The following PPP6C variants were observed in gnomAD, a reference collection of about 807,000 sequenced individuals.
The protein encoded by PPP6C is protein phosphatase 6 catalytic subunit.
A neutral mutation model predicts 39.8 loss-of-function variants in PPP6C; 11 were observed. The ratio of observed to expected loss-of-function variants is 0.28; its 90% CI spans 0.17 to 0.46. PPP6C has a LOEUF of 0.46. Ranked by LOEUF, PPP6C falls within the 20% of genes least tolerant of loss-of-function variation. PPP6C has a pLI of 1.00. For missense variants in PPP6C, 211 were observed against 373.9 expected (o/e 0.56, Z 3.59); for synonymous variants, 129 against 130.3 (o/e 0.99, Z 0.07).
At chr9:125,184,824 A>G (rs1256359865) in intron 1 of PPP6C, among the ~76,000 whole-genome samples, 2 of 151,818 alleles carry the variant, frequency 1.3e-5, no homozygotes, top group Non-Finnish European at 1.5e-5. Context: ...AAATATATAT[A>G]TACAAAAATT....
chr9:125,167,703 C>CA lies in PPP6C; in HGVS notation c.171+3381dup, dbSNP rs370041445. Among the ~76,000 whole-genome samples the CA allele has an allele frequency of 6.2e-4, 87 of 140,034 alleles. 1 individual carries two copies. The highest frequency in any genetic ancestry group is 1.1e-3 in the South Asian group (5 of 4,502). The allele number at this position is 140,034 out of a possible 152,430, so 91.9% of individuals were successfully genotyped here. A position where few individuals can be genotyped will look rare whatever the true frequency, so the allele number is the denominator to read the frequency against. The stretch of plus-strand genomic sequence containing the variant: ...GGATAACAAGAGAGAAACTCTGTCT[C>CA]AAAAAAAAAAAATTTTTTTTTTTTA... On this transcript the variant is annotated intron_variant, in intron 2 of 6. Transcript: ENST00000373547.
intron 2 of PPP6C, among the ~76,000 whole-genome samples, chr9:125,170,228 C>T (rs1829116100): frequency 6.6e-6 from 1 of 151,628 alleles, no homozygotes; most frequent in Non-Finnish European, 1.5e-5. Flanking sequence ...CCTCCTGTTA[C>T]TGCTTTGAAA....
At chr9:125,171,015 G>T in intron 2 of PPP6C, 70 bp downstream of exon 2, 2 of 1,004,556 alleles carry the variant, frequency 2.0e-6, no homozygotes, top group South Asian at 2.6e-5. Flanking sequence ...TTTTAATTTT[G>T]CAGCACATGT....
chr9:125,184,016 T>G (rs165540), intron 1 of PPP6C, among the ~76,000 whole-genome samples: 35,622 of 152,066 alleles, frequency 0.23, 4,674 homozygotes, highest in East Asian at 0.3. Context: ...CTCAGCATTT[T>G]GGGAGGCCAA....
chr9:125,171,477 A>ATG (rs1225391590), intron 1 of PPP6C, among the ~76,000 whole-genome samples: 19 of 23,392 alleles, frequency 8.1e-4, no homozygotes, highest in Non-Finnish European at 1.6e-3. Context: ...ACACACACAC[A>ATG]CATATATATA....
chr9:125,189,528 G>A (rs1466926391), intron 1 of PPP6C, 116 bp downstream of exon 1: 3 of 1,523,114 alleles, frequency 2.0e-6, no homozygotes, highest in Admixed American at 2.3e-5. Flanking sequence ...GACTGGCAAT[G>A]GGGGAGGCCC....
Position 125,150,421 on chromosome 9 carries a change from G to GGTGTGTGTGT in PPP6C, c.670-510_670-501dup, listed in dbSNP as rs113973939. On this transcript the variant is annotated intron_variant, in intron 6 of 6. Coordinates refer to ENST00000373547, the MANE Select transcript of PPP6C (RefSeq NM_002721.5). ...TGCTGGAGCACTTCCCAATATAAGG[G>GGTGTGTGTGT]GTGTGTGTGTGTGTGTGTGTGTGTT... 0.021 allele frequency among the ~76,000 whole-genome samples: 3,138 copies of GGTGTGTGTGT among 149,912 alleles called. 152 individuals are homozygous for GGTGTGTGTGT. In the East Asian group the frequency reaches 0.22, roughly 10 times the overall value.
In PPP6C at chr9:125,161,543, A is replaced by C. The variant is rs142311492; in HGVS notation, c.172-637T>G. ...ACTGCAGCCACAAATTCCTGGGCTCAAGTAACCCTCCTACCTTGCCCTCCT... is the reference window on the plus strand; with the variant it reads ...ACTGCAGCCACAAATTCCTGGGCTCCAGTAACCCTCCTACCTTGCCCTCCT... On this transcript the variant is annotated intron_variant, in intron 2 of 6. Coordinates refer to ENST00000373547, the MANE Select transcript of PPP6C (RefSeq NM_002721.5). Among the ~76,000 whole-genome samples, 508 of 152,252 alleles carry C rather than the reference A, an allele frequency of 3.3e-3. 1 individual carries two copies. The highest frequency in any genetic ancestry group is 5.3e-3 in the Non-Finnish European group (362 of 67,996).
At chr9:125,186,861 G>T (rs1225007499) in intron 1 of PPP6C, among the ~76,000 whole-genome samples, 1 of 149,608 alleles carries the variant, frequency 6.7e-6, no homozygotes, top group Non-Finnish European at 1.5e-5. Flanking sequence ...TCTAAAAATT[G>T]TACTTCCTTA....
intron 1 of PPP6C, chr9:125,188,942 G>T (rs1829597531): frequency 1.3e-6 from 2 of 1,548,444 alleles, no homozygotes; most frequent in South Asian, 1.2e-5. Context: ...CGAAGAAAAT[G>T]AAATACTGAG....
At chr9:125,175,207 A>C (rs1829270076) in intron 1 of PPP6C, among the ~76,000 whole-genome samples, 1 of 150,656 alleles carries the variant, frequency 6.6e-6, no homozygotes, top group East Asian at 1.9e-4. Flanking sequence ...ACTCTGTTTC[A>C]AAAAAAAACA....
chr9:125,182,985 C>A (rs1210067490), intron 1 of PPP6C, among the ~76,000 whole-genome samples: 6 of 151,986 alleles, frequency 3.9e-5, no homozygotes, highest in African/African-American at 1.4e-4. Context: ...ATTCTGGACA[C>A]CTCTATCTCA....
At chr9:125,168,892 C>A (rs1829083075) in intron 2 of PPP6C, among the ~76,000 whole-genome samples, 1 of 152,106 alleles carries the variant, frequency 6.6e-6, no homozygotes, top group Non-Finnish European at 1.5e-5. Context: ...TCCCAAGTAG[C>A]TGGGATTACA....
chr9:125,173,935 AG>A (rs1244199544), intron 1 of PPP6C, among the ~76,000 whole-genome samples: 1 of 152,204 alleles, frequency 6.6e-6, no homozygotes, highest in African/African-American at 2.4e-5. Flanking sequence ...TTTTTGTTAA[AG>A]GAACTCTAAA....
intron 6 of PPP6C, chr9:125,150,839 T>C: frequency 1.3e-6 from 1 of 778,172 alleles, no homozygotes; most frequent in Non-Finnish European, 2.3e-6. Flanking sequence ...GCAAAATCAA[T>C]GACAATTTAA....
At chr9:125,188,980 T>C (rs1174294795) in intron 1 of PPP6C, 2 of 1,511,480 alleles carry the variant, frequency 1.3e-6, no homozygotes, top group Non-Finnish European at 9.0e-7. Context: ...AGAAAGTATT[T>C]GTATTTATTG....
rs1836126069 is a variant in PPP6C, at chr9:125,158,132, G to A, written c.379+109C>T. On this transcript the variant is annotated intron_variant, in intron 4 of 6. Coordinates refer to ENST00000373547, the MANE Select transcript of PPP6C (RefSeq NM_002721.5). ...TTGTTTGGGAGGAGTGAAGGAGTGA[G>A]GATGTGGGGAAAATAATATACATAA... 3 of 1,110,552 alleles carry A rather than the reference G, an allele frequency of 2.7e-6. 1 individual carries two copies. Among genetic ancestry groups the A allele is most frequent in the Non-Finnish European group, 3.9e-6 (3 of 777,580 alleles). 68.8% of individuals were successfully genotyped at this position (1,110,552 alleles called of 1,614,324 possible). A position where few individuals can be genotyped will look rare whatever the true frequency, so the allele number is the denominator to read the frequency against.
At chr9:125,184,966 CAAAAAAAAAAAA>C (rs34609209) in intron 1 of PPP6C, among the ~76,000 whole-genome samples, 1 of 70,032 alleles carries the variant, frequency 1.4e-5, no homozygotes, top group East Asian at 4.3e-4. Context: ...GATTCAGTCT[CAAAAAAAAAAAA>C]AAAAAAAAAA....
intron 1 of PPP6C, among the ~76,000 whole-genome samples, chr9:125,179,128 T>C (rs1199497086): frequency 6.7e-6 from 1 of 148,216 alleles, no homozygotes; most frequent in Non-Finnish European, 1.5e-5. Context: ...GGCAGGAGAA[T>C]TGCTTGAATG....
Sources: gnomAD v4.1 joint callset for allele counts (sites outside exome capture counted in the v4.1 genomes callset) on GRCh38, gnomAD v4.1.1 for gene constraint, MANE v1.5 for transcripts, NCBI Gene and HGNC (gene_info 2026-07-23, HGNC 2026-07-21) for gene names.